The following CHLSN variants were observed in gnomAD, a reference collection of about 807,000 sequenced individuals.
CHLSN encodes protein cholesin.
At chr7:1,118,799 CAAAAA>C in the CHLSN span, among the ~76,000 whole-genome samples, 5 of 76,250 alleles carry the variant, frequency 6.6e-5, no homozygotes, top group African/African-American at 1.9e-4. Context: ...CCATCTCTAC[CAAAAA>C]AAAAAAAAAA....
At chr7:1,127,389 G>A in the CHLSN span, 1 of 1,598,218 alleles carries the variant, frequency 6.3e-7, no homozygotes, top group South Asian at 1.1e-5. Flanking sequence ...TTGCCATCCT[G>A]CAACAGAGAA....
chr7:1,066,294 C>T, the CHLSN span, among the ~76,000 whole-genome samples: 1 of 152,372 alleles, frequency 6.6e-6, no homozygotes, highest in South Asian at 2.1e-4. Flanking sequence ...GGTGTCTGCG[C>T]ATCCGGCGGG....
At chr7:999,119 C>T in the CHLSN span, among the ~76,000 whole-genome samples, 4 of 151,994 alleles carry the variant, frequency 2.6e-5, no homozygotes, top group African/African-American at 9.7e-5. Flanking sequence ...AAATGGCTAA[C>T]CAAGGATTTG....
the CHLSN span, among the ~76,000 whole-genome samples, chr7:1,136,866 A>T: frequency 6.6e-6 from 1 of 151,850 alleles, no homozygotes; most frequent in African/African-American, 2.4e-5. Context: ...CCATCCATAA[A>T]TCCTCTCTTT....
the CHLSN span, among the ~76,000 whole-genome samples, chr7:1,013,374 T>A: frequency 8.3e-3 from 1,268 of 152,302 alleles, 9 homozygotes; most frequent in Middle Eastern, 0.031. Flanking sequence ...AAAAAATTTT[T>A]AAAAGAATCC....
the CHLSN span, chr7:986,801 T>G: frequency 1.9e-6 from 3 of 1,546,214 alleles, no homozygotes; most frequent in East Asian, 4.6e-5. Context: ...GGGACAGGTG[T>G]GTCGGGACCC....
At chr7:1,023,025 C>T in the CHLSN span, 6 of 458,316 alleles carry the variant, frequency 1.3e-5, no homozygotes, top group Middle Eastern at 4.4e-4. This position sits in a 1 kb window ranked among gnomAD's most constrained non-coding sequence, Gnocchi z 5.0. Flanking sequence ...GCGGCCGCCC[C>T]GCCCCTGCGG....
the CHLSN span, among the ~76,000 whole-genome samples, chr7:1,008,023 G>A: frequency 1.3e-5 from 2 of 152,174 alleles, no homozygotes; most frequent in Non-Finnish European, 2.9e-5. Flanking sequence ...AGCGGAAGGT[G>A]CTGGCAGGCC....
At chr7:1,037,380 G>C in the CHLSN span, among the ~76,000 whole-genome samples, 2 of 133,910 alleles carry the variant, frequency 1.5e-5, no homozygotes, top group African/African-American at 5.5e-5. Context: ...TCAGCCTGCC[G>C]AGTGCCTGCC....
chr7:1,070,827 ACATATACACACAACG>A, the CHLSN span, among the ~76,000 whole-genome samples: 4 of 143,072 alleles, frequency 2.8e-5, no homozygotes, highest in South Asian at 2.1e-4. Context: ...ACACGTGCAC[ACATATACACACAACG>A]CGTGCACACG....
the CHLSN span, among the ~76,000 whole-genome samples, chr7:996,829 T>C: frequency 2.0e-5 from 3 of 152,216 alleles, no homozygotes; most frequent in Admixed American, 6.5e-5. Context: ...ACGGCCGGCC[T>C]GAACGCAAGC....
chr7:1,036,336 G>C, the CHLSN span, among the ~76,000 whole-genome samples: 1 of 151,346 alleles, frequency 6.6e-6, no homozygotes, highest in South Asian at 2.1e-4. Context: ...TGCTCGTGCT[G>C]TGGCCGTGCA....
At chr7:1,033,225 T>C in the CHLSN span, among the ~76,000 whole-genome samples, 4 of 152,180 alleles carry the variant, frequency 2.6e-5, no homozygotes, top group African/African-American at 9.7e-5. Flanking sequence ...GCATGACAAG[T>C]GGAGTTCACT....
At chr7:1,066,651 C>A in the CHLSN span, among the ~76,000 whole-genome samples, 2 of 152,242 alleles carry the variant, frequency 1.3e-5, no homozygotes, top group Non-Finnish European at 2.9e-5. Flanking sequence ...GGCTCCCAGA[C>A]CACCAGCCCC....
the CHLSN span, among the ~76,000 whole-genome samples, chr7:1,070,172 T>A: frequency 2.6e-3 from 284 of 110,042 alleles, no homozygotes; most frequent in African/African-American, 9.4e-3. Context: ...GTCTGAGAAG[T>A]GAGGAGCCTC....
chr7:1,041,319 C>T, the CHLSN span, among the ~76,000 whole-genome samples: 23 of 116,116 alleles, frequency 2.0e-4, 1 homozygote, highest in African/African-American at 8.1e-4. Flanking sequence ...GTCCGCGCTG[C>T]GGGGAAGGGG....
chr7:1,009,982 C>T, the CHLSN span: 25 of 1,581,702 alleles, frequency 1.6e-5, no homozygotes, highest in East Asian at 3.2e-4. Flanking sequence ...GTTCGGCCCC[C>T]GAGCGCCTGG....
the CHLSN span, chr7:1,127,188 C>A: frequency 2.0e-6 from 3 of 1,504,648 alleles, no homozygotes; most frequent in Non-Finnish European, 2.6e-6. Flanking sequence ...TGAGCCACCC[C>A]CTCTCCCTCC....
chr7:996,834 G>T, the CHLSN span, among the ~76,000 whole-genome samples: 2 of 152,210 alleles, frequency 1.3e-5, no homozygotes. Flanking sequence ...CGGCCTGAAC[G>T]CAAGCGATCA....
Sources: allele counts gnomAD v4.1 joint callset (sites outside exome capture counted in the v4.1 genomes callset), GRCh38; gene constraint gnomAD v4.1.1; non-coding constraint Gnocchi (gnomAD v3.1); transcripts MANE v1.5; gene names NCBI Gene and HGNC (gene_info 2026-07-23, HGNC 2026-07-21).